Variants in EPB41 observed in about 807,000 individuals in gnomAD.
The protein encoded by EPB41 is erythrocyte membrane protein band 4.1, also known as protein 4.1.
In EPB41, 65 loss-of-function variants were observed where a neutral mutation model predicts 108.0. That is an observed-to-expected ratio of 0.60 (90% CI 0.49 to 0.74). EPB41 has a LOEUF of 0.74. Among genes scored for constraint, EPB41 ranks in the 30% least tolerant of loss-of-function variants. EPB41 has a pLI of 0.00. For synonymous variants in EPB41, 336 were observed against 358.9 expected (o/e 0.94, Z 0.72); for missense variants, 875 against 1,037.0 (o/e 0.84, Z 2.15).
At chr1:29,092,522 TA>T (rs1661645357) in intron 16 of EPB41, among the ~76,000 whole-genome samples, 1 of 152,354 alleles carries the variant, frequency 6.6e-6, no homozygotes, top group East Asian at 1.9e-4. Context: ...TCACTTGCCA[TA>T]ACATTTGGCT....
At chr1:28,906,607 A>G (rs1057372043) in intron 1 of EPB41, among the ~76,000 whole-genome samples, 2 of 152,168 alleles carry the variant, frequency 1.3e-5, no homozygotes, top group African/African-American at 4.8e-5. Flanking sequence ...TAGTCAGGAC[A>G]GCCTTTCCCT....
chr1:28,959,888 G>A (rs1238626716), intron 1 of EPB41, among the ~76,000 whole-genome samples: 1 of 151,556 alleles, frequency 6.6e-6, no homozygotes. Flanking sequence ...CGTTTGCCAA[G>A]CTGGTTTTTG....
chr1:28,935,467 ACCCCCCCCC>A (rs71022381), intron 1 of EPB41, among the ~76,000 whole-genome samples: 52 of 64,218 alleles, frequency 8.1e-4, no homozygotes, highest in African/African-American at 2.6e-3. Flanking sequence ...ACACACACAC[ACCCCCCCCC>A]CCCCAAGATC....
At chr1:29,107,860 A>AG (rs1160881125) in intron 17 of EPB41, among the ~76,000 whole-genome samples, 1 of 147,684 alleles carries the variant, frequency 6.8e-6, no homozygotes, top group Non-Finnish European at 1.5e-5. Flanking sequence ...TCAAAAAAAA[A>AG]AAAAAAAAAA....
At chr1:29,035,128 C>T (rs779796256) in intron 9 of EPB41, among the ~76,000 whole-genome samples, 5 of 151,586 alleles carry the variant, frequency 3.3e-5, no homozygotes, top group Non-Finnish European at 5.9e-5. Flanking sequence ...ATTACAGGCG[C>T]GTGCCACCAT....
At chr1:28,986,571 T>C (rs1357189996) in intron 1 of EPB41, among the ~76,000 whole-genome samples, 2 of 152,204 alleles carry the variant, frequency 1.3e-5, no homozygotes, top group Non-Finnish European at 2.9e-5. Context: ...CTTCCTACTC[T>C]TAAAAATTCT....
At chr1:28,958,387 G>A (rs1022568133) in intron 1 of EPB41, among the ~76,000 whole-genome samples, 7 of 151,980 alleles carry the variant, frequency 4.6e-5, no homozygotes, top group African/African-American at 1.5e-4. Context: ...GATTGAAGTG[G>A]CAGTGAGCTG....
intron 16 of EPB41, chr1:29,071,264 T>C (rs1558229989): frequency 1.3e-5 from 2 of 152,326 alleles, no homozygotes; most frequent in East Asian, 3.9e-4. Flanking sequence ...ATAGAAGAGA[T>C]CTTCAAAGAT....
intron 16 of EPB41, among the ~76,000 whole-genome samples, chr1:29,093,838 G>A (rs1435937595): frequency 6.6e-6 from 1 of 152,160 alleles, no homozygotes; most frequent in Non-Finnish European, 1.5e-5. Context: ...TTAGGAGGCG[G>A]AGGTTGCAGT....
At chr1:29,057,551 T>G (rs1421401296) in intron 12 of EPB41, among the ~76,000 whole-genome samples, 2 of 152,120 alleles carry the variant, frequency 1.3e-5, no homozygotes, top group African/African-American at 4.8e-5. Context: ...GACATTATAC[T>G]CCAAAGTAAT....
At chr1:29,074,887 G>C (rs1451889639) in intron 16 of EPB41, among the ~76,000 whole-genome samples, 1 of 152,132 alleles carries the variant, frequency 6.6e-6, no homozygotes, top group Non-Finnish European at 1.5e-5. Flanking sequence ...GTCCAGGCGC[G>C]GTGGCTCACG....
chr1:29,039,576 GC>G, intron 11 of EPB41, 150 bp downstream of exon 11: 1 of 1,015,476 alleles, frequency 9.8e-7, no homozygotes, highest in Non-Finnish European at 1.4e-6. Flanking sequence ...ACTTTGGGAG[GC>G]CAGGGCAGGT....
rs776335276 is a variant in EPB41 at position 28,904,624 on chromosome 1, G to A, written c.-8+17414G>A. 2.1e-3 allele frequency among the ~76,000 whole-genome samples: 313 copies of A among 152,238 alleles called. 5 individuals are homozygous for A. Among genetic ancestry groups the A allele is most frequent in the Non-Finnish European group, 3.5e-4 (24 of 68,008 alleles). On this transcript the variant is annotated intron_variant, in intron 1 of 16. Coordinates refer to the EPB41 transcript ENST00000347529. ...ATAAGAAGAGACACCAAGGCCAGGCGCGGTGGCTCATGGCTGTAATCCCAG... is the reference window on the plus strand; with the variant it reads ...ATAAGAAGAGACACCAAGGCCAGGCACGGTGGCTCATGGCTGTAATCCCAG...
intron 17 of EPB41, among the ~76,000 whole-genome samples, chr1:29,098,343 C>T (rs933145371): frequency 2.0e-5 from 3 of 152,010 alleles, no homozygotes; most frequent in African/African-American, 7.2e-5. Context: ...TACAGGTGCC[C>T]GCCACCACGC....
chr1:28,921,961 T>TATATATATATATAC lies in EPB41; in HGVS notation c.-8+7194_-8+7195insTATATATATATACA, dbSNP rs770764638. 3.2e-3 allele frequency among the ~76,000 whole-genome samples: 357 copies of TATATATATATATAC among 109,850 alleles called. 3 individuals carry two copies. The highest frequency in any genetic ancestry group is 9.3e-3 in the East Asian group (12 of 1,290). The allele number at this position is 109,850 out of a possible 152,430, so 72.1% of individuals were successfully genotyped here. A position where few individuals can be genotyped will look rare whatever the true frequency, so the allele number is the denominator to read the frequency against. ...TTTTATATATATATATATATATATA[T>TATATATATATATAC]ACACTTTTTTTTTGTTTTTTTTTTT... On this transcript the variant is annotated intron_variant, in intron 1 of 20. Coordinates refer to ENST00000343067, the MANE Select transcript of EPB41 (RefSeq NM_001376013.1).
intron 1 of EPB41, among the ~76,000 whole-genome samples, chr1:28,895,301 G>A (rs1025941770): frequency 2.0e-5 from 3 of 151,940 alleles, no homozygotes; most frequent in Non-Finnish European, 4.4e-5. Context: ...GGGCTGGGCT[G>A]GTTATATGCT....
intron 4 of EPB41, among the ~76,000 whole-genome samples, chr1:29,001,337 A>G (rs1186472800): frequency 6.6e-6 from 1 of 152,012 alleles, no homozygotes; most frequent in Non-Finnish European, 1.5e-5. Context: ...CTCAAAAAAA[A>G]ATCATGCTGT....
chr1:28,897,016 C>T (rs1378627306), intron 1 of EPB41, among the ~76,000 whole-genome samples: 4 of 152,174 alleles, frequency 2.6e-5, no homozygotes, highest in African/African-American at 9.7e-5. Context: ...AGCCATTCAG[C>T]TGCTCTCACT....
chr1:29,115,766 T>G lies in EPB41; in HGVS notation c.2564T>G (p.Val855Gly). Residue 855 changes from valine (V) to glycine (G), a missense_variant, in exon 20 of 21, where the codon GTC (valine) becomes GGC (glycine). Physicochemically the swap from Val to Gly is moderately radical, Grantham distance 109 (BLOSUM62 -3). This residue lies in a region of EPB41 where 519 missense variants were observed against 627.3 expected (regional missense o/e 0.83). Transcript: ENST00000343067. This position sits in a 1 kb window ranked among gnomAD's most constrained non-coding sequence, Gnocchi z 4.4. The part of the protein sequence containing the change: ...HPDMSVTKVV[V>G]HQETEIADE Reference sequence around the variant, plus strand: ...GACATGTCAGTGACCAAGGTGGTCGTCCACCAGGAGACCGAGATTGCTGAT... The same window carrying G: ...GACATGTCAGTGACCAAGGTGGTCGGCCACCAGGAGACCGAGATTGCTGAT... 6.2e-7 allele frequency: 1 copy of G among 1,614,020 alleles called. No individual in the cohort carries two copies. The highest frequency in any genetic ancestry group is 8.5e-7 in the Non-Finnish European group (1 of 1,179,978).
Sources: allele counts gnomAD v4.1 joint callset (sites outside exome capture counted in the v4.1 genomes callset), GRCh38; gene constraint gnomAD v4.1.1; regional missense constraint gnomAD v4.1.1; non-coding constraint Gnocchi (gnomAD v3.1); transcripts MANE v1.5; gene names NCBI Gene and HGNC (gene_info 2026-07-23, HGNC 2026-07-21).